The following CCDC192 variants were observed in gnomAD, a reference collection of about 807,000 sequenced individuals.
CCDC192 encodes coiled-coil domain containing 192.
At chr5:127,892,527 C>T (rs1055502918) in intron 6 of CCDC192, among the ~76,000 whole-genome samples, 15 of 152,050 alleles carry the variant, frequency 9.9e-5, no homozygotes, top group African/African-American at 3.1e-4. Context: ...AATATGTTTC[C>T]ATTATAATCA....
intron 3 of CCDC192, among the ~76,000 whole-genome samples, chr5:127,770,909 T>C (rs1029117387): frequency 1.6e-4 from 25 of 152,244 alleles, no homozygotes; most frequent in Admixed American, 1.5e-3. Context: ...TCCGTTTTTA[T>C]GCCTGCTTTA....
At chr5:127,844,507 A>G (rs942977651) in intron 5 of CCDC192, among the ~76,000 whole-genome samples, 2 of 152,178 alleles carry the variant, frequency 1.3e-5, no homozygotes, top group South Asian at 2.1e-4. Flanking sequence ...AACTTAAGCA[A>G]TTTTTCTTTG....
intron 3 of CCDC192, among the ~76,000 whole-genome samples, chr5:127,782,767 G>C (rs1332183899): frequency 6.6e-6 from 1 of 151,848 alleles, no homozygotes; most frequent in Non-Finnish European, 1.5e-5. Flanking sequence ...CCAGCTTTTG[G>C]TTAATTTCTC....
At chr5:127,854,223 C>T (rs116624017) in intron 5 of CCDC192, among the ~76,000 whole-genome samples, 177 of 152,210 alleles carry the variant, frequency 1.2e-3, no homozygotes, top group African/African-American at 4.1e-3. Context: ...CTCAATCCTA[C>T]ACATTTTTTC....
chr5:127,811,700 A>G lies in CCDC192; in HGVS notation c.411+13538A>G, dbSNP rs561399582. 2.1e-3 allele frequency among the ~76,000 whole-genome samples: 323 copies of G among 152,300 alleles called. 3 individuals carry two copies. Among genetic ancestry groups the G allele is most frequent in the Middle Eastern group, 0.014 (4 of 294 alleles). ...GTTAGATATCTTTTACTCCCCAGTG[A>G]TAAGTTTATTATCATCAGATTTACC... On this transcript the variant is annotated intron_variant, in intron 5 of 6. Coordinates refer to ENST00000514853, the MANE Select transcript of CCDC192 (RefSeq NM_001317938.2).
At chr5:127,826,945 A>G (rs1283371425) in intron 5 of CCDC192, among the ~76,000 whole-genome samples, 1 of 152,164 alleles carries the variant, frequency 6.6e-6, no homozygotes, top group Non-Finnish European at 1.5e-5. Flanking sequence ...TAAAAGAGGA[A>G]CAATGTTTTC....
At chr5:127,866,740 T>A (rs1224361218) in intron 5 of CCDC192, among the ~76,000 whole-genome samples, 1 of 152,134 alleles carries the variant, frequency 6.6e-6, no homozygotes, top group Non-Finnish European at 1.5e-5. Context: ...CATGTTTATA[T>A]GAGATCACGT....
At chr5:127,857,099 C>G (rs1446813257) in intron 5 of CCDC192, among the ~76,000 whole-genome samples, 1 of 152,168 alleles carries the variant, frequency 6.6e-6, no homozygotes, top group Non-Finnish European at 1.5e-5. Flanking sequence ...CCTGCATTCT[C>G]ATGGAAATCT....
chr5:127,766,608 TAAAAAA>T (rs548715145), intron 3 of CCDC192, among the ~76,000 whole-genome samples: 1,694 of 98,962 alleles, frequency 0.017, 21 homozygotes, highest in African/African-American at 0.037. Flanking sequence ...ACGTCCTGTG[TAAAAAA>T]AAAAAAAAAA....
At chr5:127,889,757 A>G (rs1391429905) in intron 6 of CCDC192, among the ~76,000 whole-genome samples, 1 of 152,206 alleles carries the variant, frequency 6.6e-6, no homozygotes, top group Non-Finnish European at 1.5e-5. Flanking sequence ...ACGCTGGGCC[A>G]GCACCTGGCC....
chr5:127,841,240 T>A (rs917305581), intron 5 of CCDC192, among the ~76,000 whole-genome samples: 2 of 152,202 alleles, frequency 1.3e-5, no homozygotes, highest in African/African-American at 4.8e-5. Context: ...ATGGTGAATT[T>A]TGAGGCTCAA....
intron 5 of CCDC192, chr5:127,838,400 C>T (rs1418275443): frequency 2.0e-5 from 3 of 152,008 alleles, no homozygotes. Context: ...AAAATAATAC[C>T]TCTTCGTCTT....
At chr5:127,810,212 T>C (rs968583776) in intron 5 of CCDC192, among the ~76,000 whole-genome samples, 1 of 152,206 alleles carries the variant, frequency 6.6e-6, no homozygotes, top group African/African-American at 2.4e-5. Flanking sequence ...TAACAGTCCA[T>C]TGTGGGACTT....
intron 4 of CCDC192, among the ~76,000 whole-genome samples, chr5:127,797,756 TA>T (rs57998927): frequency 0.15 from 5,021 of 34,522 alleles, 241 homozygotes; most frequent in Non-Finnish European, 0.15. Flanking sequence ...TATATATATA[TA>T]TATATATATA....
chr5:127,867,519 G>A (rs927704798), intron 5 of CCDC192, among the ~76,000 whole-genome samples: 7 of 152,178 alleles, frequency 4.6e-5, no homozygotes, highest in Non-Finnish European at 8.8e-5. Context: ...CAACTGTAGA[G>A]GTGGGGCTAA....
chr5:127,934,912 A>G (rs1213363927), intron 6 of CCDC192, among the ~76,000 whole-genome samples: 1 of 152,212 alleles, frequency 6.6e-6, no homozygotes. Context: ...AGTGAGTCAG[A>G]GTAGTGGGCA....
At chr5:127,914,640 A>G (rs1295030110) in intron 6 of CCDC192, among the ~76,000 whole-genome samples, 1 of 152,200 alleles carries the variant, frequency 6.6e-6, no homozygotes, top group Non-Finnish European at 1.5e-5. Flanking sequence ...CAGTTGATTT[A>G]CAGGAAGATG....
chr5:127,874,162 G>A (rs1220193418), intron 5 of CCDC192, among the ~76,000 whole-genome samples: 2 of 152,128 alleles, frequency 1.3e-5, no homozygotes, highest in Non-Finnish European at 2.9e-5. Flanking sequence ...ATGAAAACCA[G>A]GCCTCTGTGT....
At chr5:127,780,487 G>GT (rs999311414) in intron 3 of CCDC192, among the ~76,000 whole-genome samples, 1 of 152,074 alleles carries the variant, frequency 6.6e-6, no homozygotes, top group Non-Finnish European at 1.5e-5. Context: ...AACATCTACT[G>GT]TTTTTTTATT....
Sources: gnomAD v4.1 joint callset for allele counts (sites outside exome capture counted in the v4.1 genomes callset) on GRCh38, gnomAD v4.1.1 for gene constraint, MANE v1.5 for transcripts, NCBI Gene and HGNC (gene_info 2026-07-23, HGNC 2026-07-21) for gene names.